The following TOGARAM2 variants were observed in gnomAD, a reference collection of about 807,000 sequenced individuals.
TOGARAM2 encodes the protein TOG array regulator of axonemal microtubules protein 2.
TOGARAM2 carries 85 observed loss-of-function variants against 93.3 expected under a neutral mutation model. That is an observed-to-expected ratio of 0.91 (90% CI 0.76 to 1.09). The LOEUF (loss-of-function observed/expected upper bound fraction) is 1.09. Ranked by LOEUF, TOGARAM2 falls within the 50% of genes least tolerant of loss-of-function variation. TOGARAM2 has a pLI of 0.00. For missense variants in TOGARAM2, 1,277 were observed against 1,334.5 expected, an observed-to-expected ratio of 0.96 and a Z score of 0.67; for synonymous variants, 593 against 552.8, an observed-to-expected ratio of 1.07 and a Z score of -1.02.
At chr2:28,970,552 G>A (rs1671933641) in intron 1 of TOGARAM2, among the ~76,000 whole-genome samples, 1 of 152,246 alleles carries the variant, frequency 6.6e-6, no homozygotes, top group South Asian at 2.1e-4. Flanking sequence ...TCTAGGGAAT[G>A]TCTTTCAGAG....
chr2:28,987,362 T>G (rs1672514738), intron 1 of TOGARAM2, among the ~76,000 whole-genome samples: 1 of 152,154 alleles, frequency 6.6e-6, no homozygotes, highest in Admixed American at 6.5e-5. Context: ...TGATCTCGGT[T>G]CACTGCAAAC....
intron 1 of TOGARAM2, among the ~76,000 whole-genome samples, chr2:28,987,326 G>T (rs1368513216): frequency 6.6e-6 from 1 of 152,110 alleles, no homozygotes; most frequent in Admixed American, 6.5e-5. Flanking sequence ...GTCTTGCTTT[G>T]TCACCTAGGC....
At chr2:28,968,843 AG>A (rs1671906009) in intron 1 of TOGARAM2, among the ~76,000 whole-genome samples, 1 of 143,168 alleles carries the variant, frequency 7.0e-6, no homozygotes, top group Non-Finnish European at 1.5e-5. Context: ...AAAAAAAACA[AG>A]GAAAAAGAAA....
At chr2:28,975,743 TC>T (rs1672017747) in intron 1 of TOGARAM2, among the ~76,000 whole-genome samples, 1 of 152,176 alleles carries the variant, frequency 6.6e-6, no homozygotes, top group Non-Finnish European at 1.5e-5. Flanking sequence ...TCTTCTGTCT[TC>T]TTTTTTTGCA....
At chr2:29,051,515 A>G in intron 19 of TOGARAM2, 1 of 370,888 alleles carries the variant, frequency 2.7e-6, no homozygotes, top group Middle Eastern at 6.9e-4. Flanking sequence ...TTTAAAAATT[A>G]TAGTTTCTGA....
intron 14 of TOGARAM2, among the ~76,000 whole-genome samples, chr2:29,030,969 A>G (rs188684943): frequency 7.2e-5 from 11 of 152,216 alleles, no homozygotes; most frequent in Admixed American, 1.3e-4. Context: ...TGTTCTCTCT[A>G]TCATTAAAAG....
intron 18 of TOGARAM2, among the ~76,000 whole-genome samples, chr2:29,044,660 C>G (rs1349864953): frequency 6.6e-6 from 1 of 151,912 alleles, no homozygotes; most frequent in Non-Finnish European, 1.5e-5. Context: ...GTCAGAGGAG[C>G]CTCTTGAGGG....
At position 29,028,381 on chromosome 2, in the gene TOGARAM2, G is replaced by A. The variant is rs149777238; in HGVS notation, c.2012+1370G>A. Among the ~76,000 whole-genome samples, 1,154 of 152,266 alleles carry A rather than the reference G, an allele frequency of 7.6e-3. 13 individuals carry two copies. The highest frequency in any genetic ancestry group is 0.026 in the African/African-American group (1,092 of 41,546). On this transcript the variant is annotated intron_variant, in intron 14 of 19. Transcript: ENST00000379558. ...TGTGCTGCATGGCACCTCCTCGGAC[G>A]TGCCCAGGAGCAGGACCGTGGGTCA...
intron 18 of TOGARAM2, among the ~76,000 whole-genome samples, chr2:29,044,605 C>T (rs1261360005): frequency 1.3e-5 from 2 of 152,082 alleles, no homozygotes; most frequent in African/African-American, 2.4e-5. Flanking sequence ...GAGCACAGTG[C>T]TTCTCACCTG....
intron 19 of TOGARAM2, 79 bp downstream of exon 19, chr2:29,045,489 CCA>C (rs1388493864): frequency 7.8e-7 from 1 of 1,287,380 alleles, no homozygotes. Context: ...AACCATTCAC[CCA>C]GTTATCTTAG....
intron 6 of TOGARAM2, among the ~76,000 whole-genome samples, chr2:29,007,204 G>A (rs775206447): frequency 6.6e-6 from 1 of 152,122 alleles, no homozygotes; most frequent in Non-Finnish European, 1.5e-5. Flanking sequence ...CCATCCACAG[G>A]TCAGGCTCCG....
chr2:29,018,100 G>A, intron 10 of TOGARAM2, 144 bp downstream of exon 10: 1 of 973,716 alleles, frequency 1.0e-6, no homozygotes, highest in Non-Finnish European at 1.5e-6. Context: ...GGTGGTGGTT[G>A]CCTTGCCAGA....
chr2:28,997,884 A>G (rs991454973), intron 2 of TOGARAM2, among the ~76,000 whole-genome samples: 2 of 152,140 alleles, frequency 1.3e-5, no homozygotes, highest in Admixed American at 1.3e-4. Context: ...GAACAAAGCC[A>G]GGATGCGAGG....
chr2:29,045,664 CCCT>C, intron 19 of TOGARAM2: 1 of 478,180 alleles, frequency 2.1e-6, no homozygotes, highest in South Asian at 2.3e-5. Flanking sequence ...GGTTGAATCT[CCCT>C]AATCAGAAAA....
chr2:28,979,958 C>T (rs1672115557), upstream of TOGARAM2, among the ~76,000 whole-genome samples: 1 of 152,214 alleles, frequency 6.6e-6, no homozygotes, highest in South Asian at 2.1e-4. Flanking sequence ...CCCTGGGTTC[C>T]CATGGTTGAG....
At chr2:29,021,041 G>C (rs1664911811) in intron 10 of TOGARAM2, among the ~76,000 whole-genome samples, 1 of 152,156 alleles carries the variant, frequency 6.6e-6, no homozygotes, top group Non-Finnish European at 1.5e-5. Flanking sequence ...AGCCTCCCGA[G>C]TATCTGGGAT....
intron 14 of TOGARAM2, among the ~76,000 whole-genome samples, chr2:29,031,274 A>G (rs1485103358): frequency 6.6e-6 from 1 of 152,168 alleles, no homozygotes; most frequent in African/African-American, 2.4e-5. Context: ...GGCTCATGTA[A>G]TCCTCCTGAC....
intron 19 of TOGARAM2, 137 bp downstream of exon 19, chr2:29,045,547 T>G (rs1194601824): frequency 1.3e-6 from 1 of 742,204 alleles, no homozygotes; most frequent in African/African-American, 1.7e-5. Flanking sequence ...GAAAATCTGC[T>G]TTTTTTGTGT....
Position 29,017,183 on chromosome 2 carries a change from G to C in TOGARAM2, c.1074G>C (p.Arg358=). Residue 358 remains arginine, a synonymous_variant, in exon 9 of 20, where the codon CGG becomes CGC. Transcript: ENST00000379558. The part of the protein sequence containing the change: ...KIQVTISKSA[R]EKMQLKQMKE... ...AAGTCACCATCTCCAAGTCTGCCCG[G>C]GAGAAGATGCAGCTGAAGCAGATGA... 1 of 1,613,870 alleles carries C rather than the reference G, an allele frequency of 6.2e-7. No individual in the cohort carries two copies. Among genetic ancestry groups the C allele is most frequent in the Non-Finnish European group, 8.5e-7 (1 of 1,179,820 alleles).
Sources: gnomAD v4.1 joint callset for allele counts (sites outside exome capture counted in the v4.1 genomes callset) on GRCh38, gnomAD v4.1.1 for gene constraint, MANE v1.5 for transcripts, NCBI Gene and HGNC (gene_info 2026-07-23, HGNC 2026-07-21) for gene names.